CUL5: variants seen among roughly 807,000 people sequenced by gnomAD.
CUL5 encodes the protein cullin 5.
CUL5 carries 26 observed loss-of-function variants against 108.8 expected under a neutral mutation model. The ratio of observed to expected loss-of-function variants is 0.24; its 90% confidence interval spans 0.18 to 0.33. The LOEUF (loss-of-function observed/expected upper bound fraction) is 0.33, where lower values mean the gene tolerates loss of function less well. Among genes scored for constraint, CUL5 ranks in the 10% least tolerant of loss-of-function variants. CUL5 has a pLI of 1.00. For synonymous variants in CUL5, 334 were observed against 298.0 expected (o/e 1.12, Z -1.25); for missense variants, 524 against 909.2 (o/e 0.58, Z 5.45).
At chr11:108,029,269 G>A (rs151262207) in intron 1 of CUL5, among the ~76,000 whole-genome samples, 1 of 152,118 alleles carries the variant, frequency 6.6e-6, no homozygotes, top group African/African-American at 2.4e-5. Context: ...GCCCATTTGT[G>A]TGAGAAGAAG....
chr11:108,089,201 G>A (rs1245907911), intron 12 of CUL5, among the ~76,000 whole-genome samples: 1 of 151,984 alleles, frequency 6.6e-6, no homozygotes, highest in Admixed American at 6.6e-5. Flanking sequence ...GAGACACTTT[G>A]CAGGGGGACA....
At chr11:108,054,442 T>C (rs1280672044) in intron 5 of CUL5, among the ~76,000 whole-genome samples, 1 of 152,242 alleles carries the variant, frequency 6.6e-6, no homozygotes, top group Non-Finnish European at 1.5e-5. Flanking sequence ...CTATATTATC[T>C]GTATTATTTA....
At chr11:108,068,806 T>C (rs1863753963) in intron 7 of CUL5, among the ~76,000 whole-genome samples, 1 of 152,216 alleles carries the variant, frequency 6.6e-6, no homozygotes, top group African/African-American at 2.4e-5. Context: ...GATGGCCTCC[T>C]AGAGCACTAG....
chr11:108,047,111 A>G (rs1159128097), intron 3 of CUL5, among the ~76,000 whole-genome samples: 1 of 152,144 alleles, frequency 6.6e-6, no homozygotes, highest in African/African-American at 2.4e-5. Context: ...TGAGTCAAAG[A>G]GTTTGATACC....
At chr11:108,024,651 G>C (rs535581928) in intron 1 of CUL5, among the ~76,000 whole-genome samples, 72 of 152,290 alleles carry the variant, frequency 4.7e-4, no homozygotes, top group African/African-American at 1.7e-3. Context: ...TTTATTTACA[G>C]ATGTCAGATA....
rs376944548 is a variant in CUL5, at chr11:108,023,133, C to A, written c.25-10669C>A. Among the ~76,000 whole-genome samples the A allele has an allele frequency of 6.8e-4, 103 of 152,186 alleles. 1 individual carries two copies. The highest frequency in any genetic ancestry group is 2.3e-3 in the African/African-American group (97 of 41,528). On this transcript the variant is annotated intron_variant, in intron 1 of 18. Transcript: ENST00000393094. ...TGGCACATGCCTGTAATCCCAGCTA[C>A]CTGGGAGGCTGAGGCAGGAGAATGA...
intron 1 of CUL5, among the ~76,000 whole-genome samples, chr11:108,015,806 A>C (rs959192524): frequency 2.0e-5 from 3 of 152,226 alleles, no homozygotes; most frequent in African/African-American, 7.2e-5. Context: ...AGGAAGTGGC[A>C]GCTCAGGGTA....
chr11:108,037,159 T>C (rs1862767403), intron 2 of CUL5, among the ~76,000 whole-genome samples: 1 of 152,178 alleles, frequency 6.6e-6, no homozygotes, highest in Admixed American at 6.5e-5. Flanking sequence ...ACTCTGTTTT[T>C]TCTCTCTTCA....
At chr11:108,078,092 A>G (rs1464474708) in intron 10 of CUL5, 84 bp from the exon 11 acceptor site, 2 of 763,758 alleles carry the variant, frequency 2.6e-6, no homozygotes, top group Non-Finnish European at 2.0e-6. Flanking sequence ...AAACTAACAT[A>G]TTTTTATGTG....
In CUL5 at chr11:108,009,249, C is replaced by T; in HGVS notation, c.-100C>T. The stretch of plus-strand genomic sequence containing the variant: ...CCCACCACACCCTGGTGCGGGCCGA[C>T]GGGCCCTGGGCCCTGGTGGGAGCTC... On this transcript the variant is annotated 5_prime_UTR_variant, in exon 1 of 19. It adds an upstream start codon to the 5' untranslated region. Transcript: ENST00000393094. 1.5e-6 allele frequency: 2 copies of T among 1,347,158 alleles called. No homozygotes were observed. The highest frequency in any genetic ancestry group is 2.1e-6 in the Non-Finnish European group (2 of 952,358). 83.5% of individuals were successfully genotyped at this position (1,347,158 alleles called of 1,614,324 possible). A position where few individuals can be genotyped will look rare whatever the true frequency, so the allele number is the denominator to read the frequency against.
intron 12 of CUL5, 30 bp from the exon 13 acceptor site, chr11:108,089,461 AG>A: frequency 1.3e-6 from 2 of 1,497,468 alleles, no homozygotes; most frequent in Non-Finnish European, 9.0e-7. Context: ...AGAGTATATA[AG>A]AACTGAAAGT....
intron 7 of CUL5, among the ~76,000 whole-genome samples, chr11:108,066,459 A>G (rs765531752): frequency 6.6e-6 from 1 of 152,192 alleles, no homozygotes; most frequent in African/African-American, 2.4e-5. Context: ...CTCTACTCCA[A>G]TAAGAAATAT....
chr11:108,052,483 A>G (rs1459642506), intron 4 of CUL5, among the ~76,000 whole-genome samples, 177 bp from the exon 5 acceptor site: 1 of 151,950 alleles, frequency 6.6e-6, no homozygotes, highest in Non-Finnish European at 1.5e-5. Context: ...GCTGGTCTTG[A>G]ACTCATAGAC....
intron 1 of CUL5, among the ~76,000 whole-genome samples, chr11:108,023,446 G>C (rs1193074588): frequency 6.6e-6 from 1 of 151,970 alleles, no homozygotes; most frequent in Non-Finnish European, 1.5e-5. Flanking sequence ...TATTTTGTTA[G>C]ATTTTTAAAA....
chr11:108,013,492 C>T (rs1862104683), intron 1 of CUL5, among the ~76,000 whole-genome samples: 1 of 152,198 alleles, frequency 6.6e-6, no homozygotes, highest in Non-Finnish European at 1.5e-5. Flanking sequence ...TCTTGTCTCT[C>T]TCTCTCATAC....
intron 1 of CUL5, among the ~76,000 whole-genome samples, chr11:108,015,671 A>C (rs11823929): frequency 0.26 from 38,828 of 152,046 alleles, 5,486 homozygotes; most frequent in African/African-American, 0.36. Flanking sequence ...GGAATAGTGG[A>C]CTAATCAGTA....
At chr11:108,071,048 A>G (rs1431258660) in intron 8 of CUL5, among the ~76,000 whole-genome samples, 11 of 152,250 alleles carry the variant, frequency 7.2e-5, no homozygotes, top group Non-Finnish European at 1.2e-4. Context: ...GTGAAGGTCA[A>G]TAAAATGGCA....
At chr11:108,085,379 A>G (rs1162875565) in intron 11 of CUL5, among the ~76,000 whole-genome samples, 6 of 152,110 alleles carry the variant, frequency 3.9e-5, no homozygotes, top group African/African-American at 1.4e-4. Context: ...GAACAGGGAA[A>G]TCCATTGAGA....
intron 1 of CUL5, among the ~76,000 whole-genome samples, chr11:108,016,180 G>A (rs994834330): frequency 2.6e-5 from 4 of 152,122 alleles, no homozygotes; most frequent in African/African-American, 9.7e-5. Context: ...CTCCCAAAGT[G>A]CTGGGATTAC....
Sources: allele counts gnomAD v4.1 joint callset (sites outside exome capture counted in the v4.1 genomes callset), GRCh38; gene constraint gnomAD v4.1.1; transcripts MANE v1.5; gene names NCBI Gene and HGNC (gene_info 2026-07-23, HGNC 2026-07-21).